DGKI: variants seen among roughly 807,000 people sequenced by gnomAD.
The protein encoded by DGKI is diacylglycerol kinase iota.
In DGKI, 55 loss-of-function variants were observed where a neutral mutation model predicts 147.5. The observed-to-expected ratio is 0.37, with a 90% CI of 0.30 to 0.47. DGKI has a LOEUF of 0.47. DGKI is among the 20% of genes least tolerant of loss of function. The probability of loss-of-function intolerance (pLI) is 1.00; values close to 1 mark genes in which losing one functional copy is unlikely to be tolerated. For synonymous variants in DGKI, 469 were observed against 477.1 expected, an observed-to-expected ratio of 0.98 and a Z score of 0.22; for missense variants, 1,007 against 1,323.8, an observed-to-expected ratio of 0.76 and a Z score of 3.71.
At chr7:137,469,316 T>C (rs1814788677) in intron 24 of DGKI, among the ~76,000 whole-genome samples, 1 of 152,144 alleles carries the variant, frequency 6.6e-6, no homozygotes, top group Non-Finnish European at 1.5e-5. Flanking sequence ...CCTGAGCAAC[T>C]TGATGCTGAG....
intron 1 of DGKI, among the ~76,000 whole-genome samples, chr7:137,818,471 A>G (rs1015691465): frequency 9.2e-5 from 14 of 152,124 alleles, no homozygotes; most frequent in African/African-American, 2.7e-4. Flanking sequence ...ATTTTTGCCC[A>G]GGCTGGAGTG....
At chr7:137,807,869 C>A (rs895461957) in intron 1 of DGKI, among the ~76,000 whole-genome samples, 1 of 152,186 alleles carries the variant, frequency 6.6e-6, no homozygotes, top group African/African-American at 2.4e-5. Context: ...TGCCTGTCCC[C>A]TTGACCATGT....
chr7:137,469,085 A>G (rs183222685), intron 24 of DGKI, among the ~76,000 whole-genome samples: 27 of 152,340 alleles, frequency 1.8e-4, no homozygotes, highest in Non-Finnish European at 2.9e-4. Flanking sequence ...TGCGGATCTG[A>G]GCAGATTTGA....
intron 1 of DGKI, among the ~76,000 whole-genome samples, chr7:137,719,295 G>A (rs538235095): frequency 2.7e-4 from 41 of 152,092 alleles, no homozygotes; most frequent in African/African-American, 9.4e-4. Flanking sequence ...CCAAGAATTA[G>A]TTGCAACTGT....
intron 1 of DGKI, among the ~76,000 whole-genome samples, chr7:137,809,730 C>G (rs539495789): frequency 2.8e-4 from 43 of 152,108 alleles, no homozygotes; most frequent in Non-Finnish European, 4.7e-4. Context: ...ATGGCAAAAC[C>G]CTGTCTCTAT....
intron 1 of DGKI, among the ~76,000 whole-genome samples, chr7:137,809,180 G>A (rs1563207355): frequency 6.6e-6 from 1 of 152,148 alleles, no homozygotes; most frequent in Non-Finnish European, 1.5e-5. Context: ...TATAAACAGG[G>A]AAATGACAGA....
intron 12 of DGKI, among the ~76,000 whole-genome samples, chr7:137,591,426 C>T (rs1819612135): frequency 6.6e-6 from 1 of 152,144 alleles, no homozygotes; most frequent in African/African-American, 2.4e-5. Context: ...CAATATTAGG[C>T]TAATAGTTCT....
intron 1 of DGKI, among the ~76,000 whole-genome samples, chr7:137,808,328 A>T (rs10238027): frequency 0.15 from 23,065 of 152,220 alleles, 5,340 homozygotes; most frequent in African/African-American, 0.5. Flanking sequence ...ATTTATTTCA[A>T]AAAAATGGTA....
intron 1 of DGKI, among the ~76,000 whole-genome samples, chr7:137,749,310 C>T (rs1795431468): frequency 6.6e-6 from 1 of 152,184 alleles, no homozygotes; most frequent in African/African-American, 2.4e-5. Context: ...CCCCAGACCT[C>T]CCTCCCGGCT....
At chr7:137,633,046 C>T (rs1821188306) in intron 6 of DGKI, among the ~76,000 whole-genome samples, 1 of 151,784 alleles carries the variant, frequency 6.6e-6, no homozygotes. Flanking sequence ...AACCCTGTCG[C>T]TACTAAAAAT....
At chr7:137,546,274 G>A (rs1362927413) in intron 20 of DGKI, among the ~76,000 whole-genome samples, 2 of 152,046 alleles carry the variant, frequency 1.3e-5, no homozygotes, top group Non-Finnish European at 2.9e-5. Flanking sequence ...GGATGACCAT[G>A]GCCTCCCTTG....
intron 31 of DGKI, 47 bp from the exon 32 acceptor site, chr7:137,395,744 C>T (rs1012832588): frequency 6.3e-7 from 1 of 1,579,864 alleles, no homozygotes; most frequent in South Asian, 1.1e-5. Flanking sequence ...GGGTTGGAGG[C>T]AGCAGGGAAT....
intron 30 of DGKI, among the ~76,000 whole-genome samples, chr7:137,399,921 AAAAAG>A (rs1211598815): frequency 3.3e-5 from 5 of 152,038 alleles, no homozygotes; most frequent in African/African-American, 9.7e-5. Flanking sequence ...CAAAAAAAAA[AAAAAG>A]AAAGAAAGAA....
intron 19 of DGKI, among the ~76,000 whole-genome samples, chr7:137,561,416 A>G (rs1048339250): frequency 7.2e-5 from 11 of 152,188 alleles, no homozygotes; most frequent in African/African-American, 2.7e-4. Context: ...GAGGCTAGAA[A>G]GGGTGAAGGA....
chr7:137,517,351 AAG>A (rs1255890779), intron 21 of DGKI, among the ~76,000 whole-genome samples: 2 of 142,854 alleles, frequency 1.4e-5, no homozygotes, highest in African/African-American at 5.1e-5. Flanking sequence ...GAAAGAAAGA[AAG>A]AAGGAAAGAA....
At chr7:137,513,424 A>G (rs1307363540) in intron 21 of DGKI, among the ~76,000 whole-genome samples, 1 of 152,122 alleles carries the variant, frequency 6.6e-6, no homozygotes, top group Non-Finnish European at 1.5e-5. Context: ...TTATCTTACA[A>G]ATTAAAAAAA....
chr7:137,579,452 G>A (rs73728742), intron 15 of DGKI, among the ~76,000 whole-genome samples: 9,058 of 137,730 alleles, frequency 0.066, 717 homozygotes, highest in African/African-American at 0.2. Flanking sequence ...AAAAAAAAAA[G>A]AAAGAAAAAA....
Position 137,571,290 on chromosome 7 carries a change from C to A in DGKI, c.1836-4G>T. ...GGGCATTGTGCCAGCACAATATCTG[C>A]AAGAGAAGATTAAAGACAGAAGTAA... is the stretch of plus-strand genomic sequence containing the variant. On this transcript the variant is annotated splice_polypyrimidine_tract_variant and splice_region_variant and intron_variant, in intron 18 of 32. Coordinates refer to ENST00000614521, the MANE Select transcript of DGKI (RefSeq NM_001321708.2). 6.2e-7 allele frequency: 1 copy of A among 1,603,144 alleles called. No homozygotes were observed. Among genetic ancestry groups the A allele is most frequent in the Non-Finnish European group, 8.5e-7 (1 of 1,172,574 alleles).
chr7:137,626,322 GACACACACACACACACACACACACAC>G (rs111591226), intron 6 of DGKI, among the ~76,000 whole-genome samples: 2 of 139,136 alleles, frequency 1.4e-5, no homozygotes, highest in Admixed American at 7.3e-5. Flanking sequence ...AAGTGCTTCT[GACACACACACACACACACACACACAC>G]ACACACACAC....
Sources: gnomAD v4.1 joint callset for allele counts (sites outside exome capture counted in the v4.1 genomes callset) on GRCh38, gnomAD v4.1.1 for gene constraint, MANE v1.5 for transcripts, NCBI Gene and HGNC (gene_info 2026-07-23, HGNC 2026-07-21) for gene names.